CCDC60: variants seen among roughly 807,000 people sequenced by gnomAD.
CCDC60 encodes the protein coiled-coil domain-containing protein 60.
A neutral mutation model predicts 63.5 loss-of-function variants in CCDC60; 54 were observed. That is an observed-to-expected ratio of 0.85 (90% CI 0.68 to 1.07). The LOEUF (loss-of-function observed/expected upper bound fraction) is 1.07, where lower values mean the gene tolerates loss of function less well. Among genes scored for constraint, CCDC60 ranks in the 50% least tolerant of loss-of-function variants. CCDC60 has a pLI of 0.00. For synonymous variants in CCDC60, 206 were observed against 238.8 expected, an observed-to-expected ratio of 0.86 and a Z score of 1.27; for missense variants, 651 against 684.3, an observed-to-expected ratio of 0.95 and a Z score of 0.54.
intron 1 of CCDC60, among the ~76,000 whole-genome samples, chr12:119,336,098 G>A (rs542415897): frequency 1.9e-3 from 222 of 116,812 alleles, no homozygotes; most frequent in Non-Finnish European, 2.8e-3. Flanking sequence ...CTGTTGTGGG[G>A]TGGGGGGAGG....
At chr12:119,377,280 G>A (rs10544383) in intron 1 of CCDC60, among the ~76,000 whole-genome samples, 2,609 of 111,796 alleles carry the variant, frequency 0.023, 2 homozygotes, top group Middle Eastern at 0.045. Flanking sequence ...AAAAAAAAAA[G>A]AAAAAGAAAG....
At chr12:119,398,269 C>T (rs1194192325) in intron 1 of CCDC60, among the ~76,000 whole-genome samples, 1 of 151,970 alleles carries the variant, frequency 6.6e-6, no homozygotes, top group Admixed American at 6.5e-5. Flanking sequence ...GCAACCTCTG[C>T]AGCTCCTGGC....
chr12:119,428,640 G>A (rs1251377835), intron 1 of CCDC60, 43 bp from the exon 2 acceptor site: 8 of 1,335,040 alleles, frequency 6.0e-6, no homozygotes, highest in Non-Finnish European at 1.1e-6. Flanking sequence ...TGGAAGCATT[G>A]TATTAACACT....
At chr12:119,481,097 T>G (rs1019090721) in intron 4 of CCDC60, among the ~76,000 whole-genome samples, 1 of 151,966 alleles carries the variant, frequency 6.6e-6, no homozygotes, top group Admixed American at 6.6e-5. Context: ...ATCATCATCA[T>G]CACATTGTGT....
rs56188651 is a variant in CCDC60, at chr12:119,461,764, G to A, written c.171-10230G>A. ...AAGCAGTGAGCAGGAGGCCCCAGGT[G>A]AGTGGATTTAAAGGCGAAAACTGCT... is the stretch of plus-strand genomic sequence containing the variant. On this transcript the variant is annotated intron_variant, in intron 2 of 13. Coordinates refer to ENST00000327554, the MANE Select transcript of CCDC60 (RefSeq NM_178499.5). 7.6e-3 allele frequency among the ~76,000 whole-genome samples: 1,155 copies of A among 152,348 alleles called. 8 individuals are homozygous for A. The highest frequency in any genetic ancestry group is 0.013 in the Non-Finnish European group (853 of 68,030).
chr12:119,496,188 G>A (rs542584684), intron 5 of CCDC60, among the ~76,000 whole-genome samples: 186 of 152,240 alleles, frequency 1.2e-3, no homozygotes, highest in Admixed American at 2.7e-3. Flanking sequence ...CTTCCCCTCC[G>A]TCATGGACAT....
chr12:119,514,652 A>C (rs1224421533), intron 7 of CCDC60, among the ~76,000 whole-genome samples: 1 of 152,216 alleles, frequency 6.6e-6, no homozygotes, highest in African/African-American at 2.4e-5. Context: ...AAAAATGTAA[A>C]GCTTATAAAG....
Position 119,488,210 on chromosome 12 carries a change from G to C in CCDC60, c.450-549G>C, listed in dbSNP as rs1358976069. Reference sequence around the variant, plus strand: ...AACCCAGCTACATTTTCAGGCAAAGGACTCATAAATGTAAAGCAATGCATC... The same window carrying C: ...AACCCAGCTACATTTTCAGGCAAAGCACTCATAAATGTAAAGCAATGCATC... On this transcript the variant is annotated intron_variant, in intron 4 of 13. Transcript: ENST00000327554. Among the ~76,000 whole-genome samples, 3 of 152,140 alleles carry C rather than the reference G, an allele frequency of 2.0e-5. No individual in the cohort carries two copies. In the East Asian group the frequency reaches 5.8e-4, roughly 29 times the overall value.
chr12:119,530,758 A>G, intron 12 of CCDC60, 116 bp from the exon 13 acceptor site: 2 of 804,100 alleles, frequency 2.5e-6, no homozygotes, highest in Non-Finnish European at 4.0e-6. Flanking sequence ...TAGATAAAGA[A>G]TACTGCTGCC....
intron 1 of CCDC60, among the ~76,000 whole-genome samples, chr12:119,411,978 G>A (rs571128743): frequency 6.0e-4 from 91 of 152,204 alleles, no homozygotes; most frequent in African/African-American, 2.1e-3. Context: ...AGGAAAGGAT[G>A]GCCCCTTGTT....
At chr12:119,357,941 C>T (rs1955734409) in intron 1 of CCDC60, among the ~76,000 whole-genome samples, 1 of 152,178 alleles carries the variant, frequency 6.6e-6, no homozygotes, top group South Asian at 2.1e-4. Flanking sequence ...CCTCAGGAAA[C>T]TTACAATCAT....
At chr12:119,426,106 C>A (rs1956895177) in intron 1 of CCDC60, among the ~76,000 whole-genome samples, 1 of 152,160 alleles carries the variant, frequency 6.6e-6, no homozygotes, top group South Asian at 2.1e-4. Context: ...CTTCACCCAT[C>A]CCTCAAGATG....
chr12:119,370,815 C>A lies in CCDC60; in HGVS notation c.90+35549C>A, dbSNP rs908000395. On this transcript the variant is annotated intron_variant, in intron 1 of 13. Transcript: ENST00000327554. ...AGCTGAGGCAGGATGATCACTTGAG[C>A]CCAGGAGTTTGAGACCAGCCTGGGC... Among the ~76,000 whole-genome samples, 3 of 152,224 alleles carry A rather than the reference C, an allele frequency of 2.0e-5. No individual in the cohort carries two copies. The South Asian group carries it at 6.2e-4, about 32-fold the overall frequency.
chr12:119,509,898 G>T (rs763469676), intron 7 of CCDC60, among the ~76,000 whole-genome samples: 5 of 152,078 alleles, frequency 3.3e-5, no homozygotes, highest in Non-Finnish European at 5.9e-5. Context: ...AGACTTGATT[G>T]CTCTGCTTTA....
At chr12:119,430,173 TACAC>T (rs36071467) in intron 2 of CCDC60, among the ~76,000 whole-genome samples, 85,032 of 149,620 alleles carry the variant, frequency 0.57, 24,205 homozygotes, top group East Asian at 0.73. Context: ...CTGCCACACA[TACAC>T]ACACACACAC....
At chr12:119,519,420 T>TGTGTGTGTGTGCGCGC (rs1952442521) in intron 8 of CCDC60, among the ~76,000 whole-genome samples, 4 of 139,562 alleles carry the variant, frequency 2.9e-5, no homozygotes, top group African/African-American at 1.1e-4. Context: ...TGTGTGTGTG[T>TGTGTGTGTGTGCGCGC]GTGTGTGTGT....
At chr12:119,376,661 G>A (rs1180134975) in intron 1 of CCDC60, among the ~76,000 whole-genome samples, 1 of 151,958 alleles carries the variant, frequency 6.6e-6, no homozygotes, top group Admixed American at 6.6e-5. Flanking sequence ...AAAACTCAGG[G>A]GATGGTCCTA....
rs941873335 is a variant in CCDC60 at position 119,478,791 on chromosome 12, G to A, written c.342-303G>A. ...CCCAGCTGTTTTTGTATTTTTAGTA[G>A]AGACAGGGTTTCACCGTGTTAGCCA... is the stretch of plus-strand genomic sequence containing the variant. On this transcript the variant is annotated intron_variant, in intron 3 of 13. Transcript: ENST00000327554. 2.6e-5 allele frequency among the ~76,000 whole-genome samples: 4 copies of A among 151,912 alleles called. No individual in the cohort carries two copies. In the East Asian group the frequency reaches 7.7e-4, roughly 29 times the overall value.
At chr12:119,339,656 G>T (rs1193765019) in intron 1 of CCDC60, among the ~76,000 whole-genome samples, 1 of 152,052 alleles carries the variant, frequency 6.6e-6, no homozygotes, top group East Asian at 1.9e-4. Context: ...CAAAACAAAA[G>T]AACTAGCCAG....
Sources: gnomAD v4.1 joint callset for allele counts (sites outside exome capture counted in the v4.1 genomes callset) on GRCh38, gnomAD v4.1.1 for gene constraint, MANE v1.5 for transcripts, NCBI Gene and HGNC (gene_info 2026-07-23, HGNC 2026-07-21) for gene names.